GLIS3: variants seen among roughly 807,000 people sequenced by gnomAD.
GLIS3 encodes the protein zinc finger protein GLIS3.
In GLIS3, 53 loss-of-function variants were observed where a neutral mutation model predicts 78.6. The observed-to-expected ratio is 0.67, with a 90% confidence interval of 0.54 to 0.85. The LOEUF (loss-of-function observed/expected upper bound fraction) is 0.85, where lower values mean the gene tolerates loss of function less well. GLIS3 is among the 40% of genes least tolerant of loss of function. The pLI is 0.00. For missense variants in GLIS3, 1,703 were observed against 1,231.1 expected, an observed-to-expected ratio of 1.38 and a Z score of -5.74; for synonymous variants, 684 against 509.9, an observed-to-expected ratio of 1.34 and a Z score of -4.60.
In GLIS3 at chr9:3,981,356, T is replaced by C. The variant is rs144055927; in HGVS notation, c.1711-44167A>G. 2.1e-3 allele frequency among the ~76,000 whole-genome samples: 321 copies of C among 152,316 alleles called. 3 individuals are homozygous for C. The highest frequency in any genetic ancestry group is 6.9e-3 in the African/African-American group (286 of 41,580). On this transcript the variant is annotated intron_variant, in intron 4 of 10. Transcript: ENST00000381971. ...GCTATTTGTCAGAGAGAAGTCGACA[T>C]TGGATGCAAAAGCCTGACTCTAGCT...
chr9:4,059,825 T>TGA (rs1469909194), intron 4 of GLIS3, among the ~76,000 whole-genome samples: 60 of 120,332 alleles, frequency 5.0e-4, no homozygotes, highest in African/African-American at 1.8e-3. Flanking sequence ...TGTGTGTGTG[T>TGA]GTGTGAGAGA....
chr9:4,487,844 T>C, the GLIS3 span, among the ~76,000 whole-genome samples: 1 of 151,924 alleles, frequency 6.6e-6, no homozygotes, highest in Non-Finnish European at 1.5e-5. Flanking sequence ...TGTGCCATCA[T>C]GGCCAGATTA....
chr9:4,028,714 G>C (rs568027797), intron 4 of GLIS3, among the ~76,000 whole-genome samples: 2 of 133,770 alleles, frequency 1.5e-5, no homozygotes, highest in East Asian at 3.9e-4. Flanking sequence ...TTTGAATTGA[G>C]TAAGATTTTA....
At position 3,825,197 on chromosome 9, in the gene GLIS3, C is replaced by CT. The variant is rs1365746820; in HGVS notation, c.*3074dup. On this transcript the variant is annotated 3_prime_UTR_variant, in exon 11 of 11. Coordinates refer to ENST00000381971, the MANE Select transcript of GLIS3 (RefSeq NM_001042413.2). ...GAAACAACTGAACAAAGCCAACACT[C>CT]TTATCAGTGGTAACTCTGCTGTGAT... is the stretch of plus-strand genomic sequence containing the variant. 1.3e-5 allele frequency: 2 copies of CT among 152,140 alleles called. No homozygotes were observed. The highest frequency in any genetic ancestry group is 4.8e-5 in the African/African-American group (2 of 41,436). The allele number at this position is 152,140 out of a possible 1,614,324, so 9.4% of individuals were successfully genotyped here. A position where few individuals can be genotyped will look rare whatever the true frequency, so the allele number is the denominator to read the frequency against.
chr9:4,416,252 T>TTAAAA, the GLIS3 span, among the ~76,000 whole-genome samples: 3 of 75,840 alleles, frequency 4.0e-5, no homozygotes, highest in East Asian at 3.8e-4. Context: ...ACACTGTTTT[T>TTAAAA]AAAAAAAAAA....
chr9:4,117,290 T>C (rs1420960956), intron 4 of GLIS3, among the ~76,000 whole-genome samples: 1 of 152,208 alleles, frequency 6.6e-6, no homozygotes, highest in Non-Finnish European at 1.5e-5. Context: ...GAAACACTTT[T>C]ACTAGCCAAG....
chr9:4,470,408 G>C, the GLIS3 span, among the ~76,000 whole-genome samples: 1 of 152,154 alleles, frequency 6.6e-6, no homozygotes, highest in Non-Finnish European at 1.5e-5. Flanking sequence ...TATCCACCAC[G>C]ATCAAGTTGG....
chr9:4,015,354 T>A (rs754219265), intron 4 of GLIS3, among the ~76,000 whole-genome samples: 5 of 152,168 alleles, frequency 3.3e-5, no homozygotes, highest in Non-Finnish European at 5.9e-5. Context: ...AGTAAGACAA[T>A]GTCATGGTTC....
intron 4 of GLIS3, among the ~76,000 whole-genome samples, chr9:4,006,183 G>A (rs1821529904): frequency 6.6e-6 from 1 of 151,806 alleles, no homozygotes; most frequent in African/African-American, 2.4e-5. Flanking sequence ...TCTAATGTTA[G>A]GCCCTTTGCT....
In GLIS3 at chr9:3,858,138, A is replaced by G. The variant is rs150513219; in HGVS notation, c.2298-1954T>C. 3.3e-4 allele frequency among the ~76,000 whole-genome samples: 51 copies of G among 152,264 alleles called. No homozygotes were observed. In the East Asian group the frequency reaches 5.2e-3, roughly 16 times the overall value. ...GCAAGATCCTTTGATCGGCTCCCCA[A>G]TTCTGTTTCCTAGGTTGTAAATCAA... On this transcript the variant is annotated intron_variant, in intron 8 of 10. Coordinates refer to ENST00000381971, the MANE Select transcript of GLIS3 (RefSeq NM_001042413.2).
chr9:4,075,296 C>T (rs1166482532), intron 4 of GLIS3, among the ~76,000 whole-genome samples: 1 of 151,600 alleles, frequency 6.6e-6, no homozygotes, highest in Admixed American at 6.6e-5. Flanking sequence ...AGGCCGGGCG[C>T]GGTGGCTGAC....
chr9:3,856,162 G>C lies in GLIS3; in HGVS notation c.2320C>G (p.Pro774Ala). Residue 774 changes from proline (P) to alanine (A), a missense_variant, in exon 9 of 11, where the codon CCT becomes GCT. Pro to Ala is a conservative substitution (Grantham distance 27, BLOSUM62 -1). Coordinates refer to ENST00000381971, the MANE Select transcript of GLIS3 (RefSeq NM_001042413.2). ...ACTCTCCGGGGGCTGATGTGGTGAG[G>C]AGATGGAGCAGAAGGTGCAAACCTG... ...AERFAPSAPS[P>A]HHISPRRVPA... is the part of the protein sequence containing the mutation. The C allele has an allele frequency of 6.2e-7, 1 of 1,614,060 alleles. No homozygotes were observed. Among genetic ancestry groups the C allele is most frequent in the African/African-American group, 1.3e-5 (1 of 75,050 alleles).
rs1183164258 is a variant in GLIS3 at position 3,829,216 on chromosome 9, C to G, written c.2656+94G>C. On this transcript the variant is annotated intron_variant, in intron 10 of 10. Coordinates refer to ENST00000381971, the MANE Select transcript of GLIS3 (RefSeq NM_001042413.2). ...CAACAGGATTTGATGCGGTCATGTG[C>G]TTGGTCACGTCCAGCCCAGGTCGGT... 3 of 1,046,150 alleles carry G rather than the reference C, an allele frequency of 2.9e-6. No individual in the cohort carries two copies. The East Asian group carries it at 7.3e-5, about 25-fold the overall frequency. The allele number at this position is 1,046,150 out of a possible 1,614,324, so 64.8% of individuals were successfully genotyped here. A position where few individuals can be genotyped will look rare whatever the true frequency, so the allele number is the denominator to read the frequency against.
At chr9:4,479,671 C>A in the GLIS3 span, among the ~76,000 whole-genome samples, 18 of 152,130 alleles carry the variant, frequency 1.2e-4, no homozygotes, top group African/African-American at 4.3e-4. Flanking sequence ...CCTGGCCACA[C>A]TGCCTTGCTG....
chr9:4,329,213 T>A (rs890453843), intron 2 of GLIS3, among the ~76,000 whole-genome samples: 1 of 152,132 alleles, frequency 6.6e-6, no homozygotes, highest in East Asian at 1.9e-4. Context: ...ATTCCCACGA[T>A]AATGTTCTGA....
At chr9:4,443,642 A>G in the GLIS3 span, among the ~76,000 whole-genome samples, 1 of 152,198 alleles carries the variant, frequency 6.6e-6, no homozygotes, top group Non-Finnish European at 1.5e-5. Context: ...AGGAAGCAAG[A>G]GCACAGCTGT....
chr9:3,957,597 G>T (rs1481458049), intron 4 of GLIS3, among the ~76,000 whole-genome samples: 2 of 152,178 alleles, frequency 1.3e-5, no homozygotes, highest in African/African-American at 4.8e-5. Context: ...CAACACTAGA[G>T]AACAGTGATT....
intron 1 of GLIS3, among the ~76,000 whole-genome samples, chr9:4,287,429 G>A (rs1828097688): frequency 6.6e-6 from 1 of 152,198 alleles, no homozygotes; most frequent in African/African-American, 2.4e-5. Context: ...ATGCCGGGTT[G>A]TAAATCACTA....
At chr9:4,430,899 A>G in the GLIS3 span, among the ~76,000 whole-genome samples, 5 of 148,030 alleles carry the variant, frequency 3.4e-5, no homozygotes, top group African/African-American at 5.3e-5. Context: ...TTAAAGAAAT[A>G]AAAGGTTGTC....
Sources: allele counts gnomAD v4.1 joint callset (sites outside exome capture counted in the v4.1 genomes callset), GRCh38; gene constraint gnomAD v4.1.1; transcripts MANE v1.5; gene names NCBI Gene and HGNC (gene_info 2026-07-23, HGNC 2026-07-21).